Variants in FTH1 observed in about 807,000 individuals in gnomAD.
The protein encoded by FTH1 is ferritin heavy chain.
Under a neutral mutation model 21.8 loss-of-function variants are expected in FTH1, and 3 were observed. The observed-to-expected ratio is 0.14, with a 90% CI of 0.06 to 0.36. The LOEUF is 0.36. FTH1 is among the 10% of genes least tolerant of loss of function. The probability of loss-of-function intolerance (pLI) is 1.00; values close to 1 mark genes in which losing one functional copy is unlikely to be tolerated. For missense variants in FTH1, 147 were observed against 225.8 expected, an observed-to-expected ratio of 0.65 and a Z score of 2.24; for synonymous variants, 83 against 90.1, an observed-to-expected ratio of 0.92 and a Z score of 0.45.
intron 1 of FTH1, chr11:61,967,070 G>T: frequency 3.1e-6 from 1 of 324,802 alleles, no homozygotes; most frequent in Non-Finnish European, 5.5e-6. Flanking sequence ...CCTTAAAAAA[G>T]AAGGGTGTGC....
rs781003636 is a variant in FTH1, at chr11:61,964,428, A to C, written c.*299T>G. The C allele has an allele frequency of 3.2e-6, 2 of 618,914 alleles. No individual in the cohort carries two copies. Among genetic ancestry groups the C allele is most frequent in the South Asian group, 4.0e-5 (2 of 49,728 alleles). 38.3% of individuals were successfully genotyped at this position (618,914 alleles called of 1,614,324 possible). On this transcript the variant is annotated 3_prime_UTR_variant, in exon 4 of 4. Coordinates refer to ENST00000273550, the MANE Select transcript of FTH1 (RefSeq NM_002032.3). ...ACAGCCACACCTTAGTATACTGCCCAAACTAATGAGTTTAATAAATACAAA... is the reference window on the plus strand; with the variant it reads ...ACAGCCACACCTTAGTATACTGCCCCAACTAATGAGTTTAATAAATACAAA...
At chr11:61,966,815 T>G (rs1942471273) in intron 1 of FTH1, among the ~76,000 whole-genome samples, 1 of 152,010 alleles carries the variant, frequency 6.6e-6, no homozygotes. Context: ...TCGAGAGGGA[T>G]CTACCCACAA....
Position 61,965,036 on chromosome 11 carries a change from T to C in FTH1, c.338A>G (p.Gln113Arg). Residue 113 changes from glutamine (Q) to arginine (R), a missense_variant, in exon 3 of 4, where the codon CAG (glutamine) becomes CGG (arginine). Transcript: ENST00000273550. ...CAGTTTGTGCAGTTCCAGTAGTGAC[T>C]GATTCACATTTTTTTCCAAATGTAA... ...CALHLEKNVN[Q>R]SLLELHKLAT... is the part of the protein sequence containing the mutation. The C allele has an allele frequency of 8.1e-6, 13 of 1,613,432 alleles. No homozygotes were observed. The highest frequency in any genetic ancestry group is 8.5e-6 in the Non-Finnish European group (10 of 1,180,042).
At position 61,964,363 on chromosome 11, in the gene FTH1, G is replaced by A; in HGVS notation, c.*364C>T. 2.5e-6 allele frequency: 2 copies of A among 796,896 alleles called. No homozygotes were observed. The highest frequency in any genetic ancestry group is 3.9e-6 in the Non-Finnish European group (2 of 517,214). 49.4% of individuals were successfully genotyped at this position (796,896 alleles called of 1,614,324 possible). ...TTGGAAACATTTAACTCAGACTCTGGATTCAGAGTCGGGAACCCTTAGTTC... is the reference window on the plus strand; with the variant it reads ...TTGGAAACATTTAACTCAGACTCTGAATTCAGAGTCGGGAACCCTTAGTTC... On this transcript the variant is annotated 3_prime_UTR_variant, in exon 4 of 4. Transcript: ENST00000273550.
rs1004921950 is a variant in FTH1 at position 61,967,564 on chromosome 11, C to T, written c.-139G>A. On this transcript the variant is annotated 5_prime_UTR_variant, in exon 1 of 4. Transcript: ENST00000273550. ...ATGGGCGGCCGGCCGGGGTGGGGAA[C>T]GAGCGCCGGGTTCCGTCCAAGCACT... 15 of 706,008 alleles carry T rather than the reference C, an allele frequency of 2.1e-5. No individual in the cohort carries two copies. The highest frequency in any genetic ancestry group is 1.2e-4 in the African/African-American group (7 of 56,530). 43.7% of individuals were successfully genotyped at this position (706,008 alleles called of 1,614,324 possible).
chr11:61,967,023 A>G (rs999928870), intron 1 of FTH1: 3 of 244,638 alleles, frequency 1.2e-5, no homozygotes, highest in Non-Finnish European at 2.3e-5. Context: ...ACAGGCTGGC[A>G]GTCTTGCAAC....
In FTH1 at chr11:61,964,435, T is replaced by C. The variant is rs990349964; in HGVS notation, c.*292A>G. On this transcript the variant is annotated 3_prime_UTR_variant, in exon 4 of 4. Transcript: ENST00000273550. Reference sequence around the variant, plus strand: ...CACCTTAGTATACTGCCCAAACTAATGAGTTTAATAAATACAAATACTCGT... The same window carrying C: ...CACCTTAGTATACTGCCCAAACTAACGAGTTTAATAAATACAAATACTCGT... The C allele has an allele frequency of 3.2e-6, 2 of 615,952 alleles. No homozygotes were observed. The highest frequency in any genetic ancestry group is 2.0e-5 in the South Asian group (1 of 49,650). The allele number at this position is 615,952 out of a possible 1,614,324, so 38.2% of individuals were successfully genotyped here. A position where few individuals can be genotyped will look rare whatever the true frequency, so the allele number is the denominator to read the frequency against.
At position 61,967,629 on chromosome 11, in the gene FTH1, T is replaced by C. The variant is rs886048433; in HGVS notation, c.-204A>G. 2 of 652,424 alleles carry C rather than the reference T, an allele frequency of 3.1e-6. No homozygotes were observed. Among genetic ancestry groups the C allele is most frequent in the East Asian group, 6.0e-5 (2 of 33,566 alleles). 40.4% of individuals were successfully genotyped at this position (652,424 alleles called of 1,614,324 possible). ...CCCCGACGACTCTCGGCGAAGAACG[T>C]CTGGCCCTGCGGGTCGCTTGTGGTC... On this transcript the variant is annotated 5_prime_UTR_variant, in exon 1 of 4. Coordinates refer to ENST00000273550, the MANE Select transcript of FTH1 (RefSeq NM_002032.3).
intron 1 of FTH1, among the ~76,000 whole-genome samples, chr11:61,965,897 T>C (rs1942447013): frequency 1.3e-5 from 2 of 152,144 alleles, no homozygotes; most frequent in African/African-American, 4.8e-5. Context: ...CCTTTTCTCC[T>C]CCCTGCTCCT....
Position 61,966,104 on chromosome 11 carries a change from C to G in FTH1, c.115-589G>C, listed in dbSNP as rs138893669. On this transcript the variant is annotated intron_variant, in intron 1 of 3. Coordinates refer to ENST00000273550, the MANE Select transcript of FTH1 (RefSeq NM_002032.3). ...CCTGGTCAACATGGTGAAACCCCGT[C>G]TCTACTAAAAATAAAAAAAAATAGC... is the stretch of plus-strand genomic sequence containing the variant. 1.8e-3 allele frequency among the ~76,000 whole-genome samples: 277 copies of G among 152,210 alleles called. 2 individuals are homozygous for G. The highest frequency in any genetic ancestry group is 6.2e-3 in the African/African-American group (256 of 41,534).
At chr11:61,965,337 G>A (rs1942428078) in intron 2 of FTH1, 32 bp downstream of exon 2, 5 of 1,611,574 alleles carry the variant, frequency 3.1e-6, no homozygotes, top group Non-Finnish European at 3.4e-6. Flanking sequence ...GCCAGATGAT[G>A]AAGTATGACA....
chr11:61,966,460 T>C (rs901326883), intron 1 of FTH1, among the ~76,000 whole-genome samples: 1 of 152,332 alleles, frequency 6.6e-6, no homozygotes, highest in African/African-American at 2.4e-5. Flanking sequence ...TTCAAATCCA[T>C]TTGGAACACA....
Position 61,964,846 on chromosome 11 carries a change from C to T in FTH1, c.433G>A (p.Ala145Thr). 1.9e-6 allele frequency: 3 copies of T among 1,602,304 alleles called. No individual in the cohort carries two copies. The highest frequency in any genetic ancestry group is 1.7e-6 in the Non-Finnish European group (2 of 1,179,972). Residue 145 changes from alanine (A) to threonine (T), a missense_variant, in exon 4 of 4, where the codon GCC (alanine) becomes ACC (threonine). Physicochemically the swap from Ala to Thr is moderately conservative, Grantham distance 58 (BLOSUM62 0). Transcript: ENST00000273550. ...ETHYLNEQVKAIKELGDHVTN... is the reference protein window; with the variant it reads ...ETHYLNEQVKTIKELGDHVTN... ...ACGTGGTCACCCAATTCTTTGATGG[C>T]TTTCACCTGCTCATTCAGGTAATGT...
Position 61,964,415 on chromosome 11 carries a change from T to C in FTH1, c.*312A>G, listed in dbSNP as rs756884770. 1.3e-3 allele frequency: 814 copies of C among 625,414 alleles called. 7 individuals carry two copies. The highest frequency in any genetic ancestry group is 6.7e-4 in the Non-Finnish European group (244 of 363,208). 38.7% of individuals were successfully genotyped at this position (625,414 alleles called of 1,614,324 possible). On this transcript the variant is annotated 3_prime_UTR_variant, in exon 4 of 4. Transcript: ENST00000273550. ...ATCTGAATCCAAGACAGCCACACCT[T>C]AGTATACTGCCCAAACTAATGAGTT...
chr11:61,965,610 G>A lies in FTH1; in HGVS notation c.115-95C>T, dbSNP rs754038501. The A allele has an allele frequency of 3.6e-6, 5 of 1,400,624 alleles. No homozygotes were observed. In the African/African-American group the frequency reaches 7.0e-5, roughly 20 times the overall value. 86.8% of individuals were successfully genotyped at this position (1,400,624 alleles called of 1,614,324 possible). ...GAGGCAAGATGGTCTCGTCAGCCTA[G>A]GCTTCCTTTCTCAAAGCACAGCATG... is the stretch of plus-strand genomic sequence containing the variant. On this transcript the variant is annotated intron_variant, in intron 1 of 3. Transcript: ENST00000273550.
Position 61,967,557 on chromosome 11 carries a change from TG to T in FTH1, c.-133del. The T allele has an allele frequency of 1.4e-6, 1 of 733,456 alleles. No homozygotes were observed. Among genetic ancestry groups the T allele is most frequent in the East Asian group, 2.7e-5 (1 of 36,428 alleles). 45.4% of individuals were successfully genotyped at this position (733,456 alleles called of 1,614,324 possible). ...GCTGGCTATGGGCGGCCGGCCGGGG[TG>T]GGGAACGAGCGCCGGGTTCCGTCCA... is the stretch of plus-strand genomic sequence containing the variant. On this transcript the variant is annotated 5_prime_UTR_variant, in exon 1 of 4. Transcript: ENST00000273550.
In FTH1 at chr11:61,964,473, AG is replaced by A. The variant is rs2134482582; in HGVS notation, c.*253del. ...TACAAATACTCGTTTCTTTTTGATT[AG>A]TGTGATTAGAACTGAACAACGGCAC... On this transcript the variant is annotated 3_prime_UTR_variant, in exon 4 of 4. Coordinates refer to ENST00000273550, the MANE Select transcript of FTH1 (RefSeq NM_002032.3). 1.6e-6 allele frequency: 1 copy of A among 615,378 alleles called. No individual in the cohort carries two copies. Among genetic ancestry groups the A allele is most frequent in the South Asian group, 2.0e-5 (1 of 49,840 alleles). The allele number at this position is 615,378 out of a possible 1,614,324, so 38.1% of individuals were successfully genotyped here.
chr11:61,964,781 C>T lies in FTH1; in HGVS notation c.498G>A (p.Leu166=). 1.3e-6 allele frequency: 2 copies of T among 1,599,802 alleles called. No homozygotes were observed. The highest frequency in any genetic ancestry group is 8.5e-7 in the Non-Finnish European group (1 of 1,179,960). The change falls in exon 4 of 4, where the codon TTG becomes TTA. Residue 166 remains leucine (L), a synonymous_variant. Coordinates refer to ENST00000273550, the MANE Select transcript of FTH1 (RefSeq NM_002032.3). The stretch of plus-strand genomic sequence containing the variant: ...TGTGCTTGTCAAAGAGATATTCCGC[C>T]AAGCCAGATTCGGGCGCTCCCATCT... The part of the protein sequence containing the change: ...LRKMGAPESG[L]AEYLFDKHTL...
Position 61,965,050 on chromosome 11 carries a change from T to G in FTH1, c.324A>C (p.Glu108Asp). 6.2e-7 allele frequency: 1 copy of G among 1,612,634 alleles called. No individual in the cohort carries two copies. The highest frequency in any genetic ancestry group is 1.1e-5 in the South Asian group (1 of 91,080). Residue 108 changes from glutamate (E) to aspartate (D), a missense_variant, in exon 3 of 4, where the codon GAA (glutamate) becomes GAC (aspartate). Transcript: ENST00000273550. ...LNAMECALHL[E>D]KNVNQSLLEL... ...CCAGTAGTGACTGATTCACATTTTT[T>G]TCCAAATGTAATGCACACTCCATTG... is the stretch of plus-strand genomic sequence containing the variant.
Sources: gnomAD v4.1 joint callset for allele counts (sites outside exome capture counted in the v4.1 genomes callset) on GRCh38, gnomAD v4.1.1 for gene constraint, MANE v1.5 for transcripts, NCBI Gene and HGNC (gene_info 2026-07-23, HGNC 2026-07-21) for gene names.